Variants in GLI2 observed in about 807,000 individuals in gnomAD.
The protein encoded by GLI2 is transcription activator GLI2.
GLI2 carries 22 observed loss-of-function variants against 78.9 expected under a neutral mutation model. That is an observed-to-expected ratio of 0.28 (90% CI 0.20 to 0.40). The LOEUF is 0.40. GLI2 is among the 10% of genes least tolerant of loss of function. GLI2 has a pLI of 1.00. For missense variants in GLI2, 2,097 were observed against 2,213.2 expected (o/e 0.95, Z 1.05); for synonymous variants, 974 against 963.7 (o/e 1.01, Z -0.20).
chr2:120,831,805 G>A (rs775192690), intron 2 of GLI2, among the ~76,000 whole-genome samples: 1 of 152,208 alleles, frequency 6.6e-6, no homozygotes, highest in Non-Finnish European at 1.5e-5. Context: ...GCATTTGTCT[G>A]TGGGTTGTTG....
intron 1 of GLI2, among the ~76,000 whole-genome samples, chr2:120,794,242 A>G (rs1684281431): frequency 6.6e-6 from 1 of 152,148 alleles, no homozygotes. Context: ...GTAAGAGTTC[A>G]TCAGACACAG....
chr2:120,896,625 T>C (rs1677957440), intron 2 of GLI2, among the ~76,000 whole-genome samples: 1 of 148,922 alleles, frequency 6.7e-6, no homozygotes, highest in Non-Finnish European at 1.5e-5. Context: ...TGGCTTCCTT[T>C]GAAAAACACA....
Position 120,986,261 on chromosome 2 carries a change from T to G in GLI2, c.1906-17T>G. ...GATACCCTCTGAGTCTGAGCCTTCT[T>G]GCCTCGTCCCCTGCAGCTGTGTCAG... On this transcript the variant is annotated splice_polypyrimidine_tract_variant and intron_variant, in intron 12 of 13. Coordinates refer to ENST00000361492, the MANE Select transcript of GLI2 (RefSeq NM_001374353.1). 6.2e-7 allele frequency: 1 copy of G among 1,610,372 alleles called. No individual in the cohort carries two copies. Among genetic ancestry groups the G allele is most frequent in the South Asian group, 1.1e-5 (1 of 91,008 alleles).
chr2:120,749,571 G>T (rs964999575), intron 1 of GLI2, among the ~76,000 whole-genome samples: 3 of 152,174 alleles, frequency 2.0e-5, no homozygotes, highest in Non-Finnish European at 2.9e-5. Flanking sequence ...GACCTCAGGC[G>T]GCAGGCCATT....
Position 120,990,607 on chromosome 2 carries a change from G to C in GLI2, c.4642G>C (p.Val1548Leu). 1 of 1,613,750 alleles carries C rather than the reference G, an allele frequency of 6.2e-7. No homozygotes were observed. The highest frequency in any genetic ancestry group is 2.2e-5 in the East Asian group (1 of 44,852). Residue 1548 changes from valine to leucine, a missense_variant, in exon 14 of 14, where the codon GTC (valine) becomes CTC (leucine). Around this residue, in one of 5 missense-constraint regions of GLI2, gnomAD observed 1,290 missense variants for 1,261.7 expected, o/e 1.02. Coordinates refer to ENST00000361492, the MANE Select transcript of GLI2 (RefSeq NM_001374353.1). The stretch of plus-strand genomic sequence containing the variant: ...CCCCGCAGGCATCAGCAACATGGCT[G>C]TCGGGGACATGAGCTCCATGCTCAC... Reference protein sequence around the residue: ...SIPAGISNMAVGDMSSMLTSL... With the variant: ...SIPAGISNMALGDMSSMLTSL...
chr2:120,772,414 G>A (rs1683546785), intron 1 of GLI2, among the ~76,000 whole-genome samples: 1 of 152,306 alleles, frequency 6.6e-6, no homozygotes, highest in Admixed American at 6.5e-5. Context: ...AGGTCATAGA[G>A]CACACTTGTT....
intron 2 of GLI2, among the ~76,000 whole-genome samples, chr2:120,833,117 C>T (rs1050339409): frequency 2.6e-5 from 4 of 151,988 alleles, no homozygotes; most frequent in Non-Finnish European, 5.9e-5. Context: ...ATTTTATTCT[C>T]CTCGCCTTTG....
chr2:120,893,636 A>G (rs1283994768), intron 2 of GLI2, among the ~76,000 whole-genome samples: 1 of 151,856 alleles, frequency 6.6e-6, no homozygotes, highest in Non-Finnish European at 1.5e-5. Flanking sequence ...CAAAAAAGAA[A>G]TGAAAGGAAA....
chr2:120,892,181 G>A (rs1677716365), intron 2 of GLI2, among the ~76,000 whole-genome samples: 1 of 152,182 alleles, frequency 6.6e-6, no homozygotes, highest in South Asian at 2.1e-4. Flanking sequence ...CTTTGCTCAC[G>A]TGACAGAGAT....
At chr2:120,939,166 C>T (rs1486417746) in intron 3 of GLI2, among the ~76,000 whole-genome samples, 1 of 152,102 alleles carries the variant, frequency 6.6e-6, no homozygotes, top group Non-Finnish European at 1.5e-5. Context: ...CCTGTAATCC[C>T]AGCTACTGGG....
chr2:120,778,815 A>G (rs931823962), intron 1 of GLI2, among the ~76,000 whole-genome samples: 3 of 152,216 alleles, frequency 2.0e-5, no homozygotes, highest in Admixed American at 6.5e-5. Flanking sequence ...GCTTGCAAAT[A>G]CAAGAGGCTT....
chr2:120,803,336 A>G (rs1379434683), intron 2 of GLI2, among the ~76,000 whole-genome samples: 1 of 149,802 alleles, frequency 6.7e-6, no homozygotes, highest in African/African-American at 2.4e-5. Flanking sequence ...GAGTTAGCAC[A>G]TGGGAAGTGC....
chr2:120,876,550 G>A (rs188580307), intron 2 of GLI2, among the ~76,000 whole-genome samples: 23 of 152,160 alleles, frequency 1.5e-4, no homozygotes, highest in Admixed American at 9.2e-4. Flanking sequence ...ACTTAATACA[G>A]TTTAAAATAC....
intron 5 of GLI2, among the ~76,000 whole-genome samples, chr2:120,956,337 G>A (rs1203244455): frequency 6.6e-6 from 1 of 152,108 alleles, no homozygotes; most frequent in African/African-American, 2.4e-5. Context: ...ATGGAAGGGA[G>A]GGAAGTCAGG....
In GLI2 at chr2:120,869,878, T is replaced by A; in HGVS notation, c.149-57483T>A. On this transcript the variant is annotated intron_variant, in intron 2 of 13. Transcript: ENST00000361492. ...CTGCAGGGGGCCCTGCAGGGGGACC[T>A]TCAGTCCAGGGAGTTCTTCAGGGGG... Among the ~76,000 whole-genome samples, 2 of 152,026 alleles carry A rather than the reference T, an allele frequency of 1.3e-5. 1 individual carries two copies. Among genetic ancestry groups the A allele is most frequent in the Admixed American group, 1.3e-4 (2 of 15,268 alleles).
intron 1 of GLI2, among the ~76,000 whole-genome samples, chr2:120,783,209 C>G (rs914450322): frequency 1.3e-5 from 2 of 152,158 alleles, no homozygotes. Context: ...CCAAGAGACA[C>G]CTAAACCTGT....
intron 5 of GLI2, among the ~76,000 whole-genome samples, chr2:120,957,259 G>A (rs1345979599): frequency 1.3e-5 from 2 of 152,176 alleles, no homozygotes; most frequent in Non-Finnish European, 2.9e-5. Flanking sequence ...GCCTTTCCCA[G>A]CATGGTGTTT....
intron 2 of GLI2, among the ~76,000 whole-genome samples, chr2:120,817,958 C>T (rs376660769): frequency 1.3e-5 from 2 of 152,364 alleles, no homozygotes; most frequent in South Asian, 4.1e-4. Flanking sequence ...CCTGCCATTA[C>T]ACATGAGGCC....
rs1684007220 is a variant in GLI2 at position 120,786,715 on chromosome 2, GCCCA to G, written c.-30-10575_-30-10572del. 2.0e-5 allele frequency among the ~76,000 whole-genome samples: 3 copies of G among 151,956 alleles called. No homozygotes were observed. The East Asian group carries it at 5.8e-4, about 29-fold the overall frequency. On this transcript the variant is annotated intron_variant, in intron 1 of 13. Coordinates refer to ENST00000361492, the MANE Select transcript of GLI2 (RefSeq NM_001374353.1). ...TTCTTATGCAGTGCTGGCAAACACT[GCCCA>G]TGGCAGACAGTACAAGTTGACTAGT...
Sources: allele counts gnomAD v4.1 joint callset (sites outside exome capture counted in the v4.1 genomes callset), GRCh38; gene constraint gnomAD v4.1.1; regional missense constraint gnomAD v4.1.1; transcripts MANE v1.5; gene names NCBI Gene and HGNC (gene_info 2026-07-23, HGNC 2026-07-21).